The following AGPAT4 variants were observed in gnomAD, a reference collection of about 807,000 sequenced individuals.
AGPAT4 encodes 1-acyl-sn-glycerol-3-phosphate acyltransferase delta.
AGPAT4 carries 15 observed loss-of-function variants against 48.0 expected under a neutral mutation model. That is an observed-to-expected ratio of 0.31 (90% confidence interval 0.21 to 0.48). AGPAT4 has a LOEUF of 0.48. AGPAT4 is among the 20% of genes least tolerant of loss of function. The pLI is 0.99. For synonymous variants in AGPAT4, 178 were observed against 198.7 expected (o/e 0.90, Z 0.88); for missense variants, 314 against 482.5 (o/e 0.65, Z 3.27).
intron 1 of AGPAT4, among the ~76,000 whole-genome samples, chr6:161,237,598 A>G (rs1027067208): frequency 1.3e-5 from 2 of 152,238 alleles, no homozygotes; most frequent in Admixed American, 1.3e-4. Flanking sequence ...AAAAGTTCAC[A>G]AAGAAGTATA....
In AGPAT4 at chr6:161,139,388, G is replaced by C. The variant is rs778733418; in HGVS notation, c.1042+34C>G. 1.2e-6 allele frequency: 2 copies of C among 1,609,742 alleles called. No homozygotes were observed. The highest frequency in any genetic ancestry group is 2.7e-5 in the African/African-American group (2 of 74,868). ...ATGCCACCTCTCCCAGGGTGGTGCTGTCAGCACCCACCAGCCCCTTGCCCT... is the reference window on the plus strand; with the variant it reads ...ATGCCACCTCTCCCAGGGTGGTGCTCTCAGCACCCACCAGCCCCTTGCCCT... On this transcript the variant is annotated intron_variant, in intron 8 of 8. Coordinates refer to ENST00000320285, the MANE Select transcript of AGPAT4 (RefSeq NM_020133.3). This position sits in a 1 kb window ranked among gnomAD's most constrained non-coding sequence, Gnocchi z 9.1.
rs1781640714 is a variant in AGPAT4 at position 161,216,126 on chromosome 6, C to G, written c.178+15910G>C. 6.6e-6 allele frequency among the ~76,000 whole-genome samples: 1 copy of G among 152,216 alleles called. No homozygotes were observed. Among genetic ancestry groups the G allele is most frequent in the Non-Finnish European group, 1.5e-5 (1 of 68,038 alleles). On this transcript the variant is annotated intron_variant, in intron 2 of 8. Transcript: ENST00000320285. The surrounding 1 kb of genome is among the most constrained non-coding windows in gnomAD (Gnocchi z 4.8). ...AGAGCACTTTTCCCTCCTGCCTTGACAAGGCTTCTTCATAGTCTGACAAAG... is the reference window on the plus strand; with the variant it reads ...AGAGCACTTTTCCCTCCTGCCTTGAGAAGGCTTCTTCATAGTCTGACAAAG...
At position 161,202,349 on chromosome 6, in the gene AGPAT4, C is replaced by T. The variant is rs1781259593; in HGVS notation, c.178+29687G>A. Among the ~76,000 whole-genome samples the T allele has an allele frequency of 6.6e-6, 1 of 151,804 alleles. No homozygotes were observed. The highest frequency in any genetic ancestry group is 1.5e-5 in the Non-Finnish European group (1 of 67,984). On this transcript the variant is annotated intron_variant, in intron 2 of 8. Transcript: ENST00000320285. The surrounding 1 kb of genome is among the most constrained non-coding windows in gnomAD (Gnocchi z 5.4). ...TTCTCATGGGCCCGTCTGAGTGATG[C>T]CTGAATGTCTTCATGCTTGAATGTC...
In AGPAT4 at chr6:161,177,112, T is replaced by C. The variant is rs1020130558; in HGVS notation, c.179-10695A>G. The stretch of plus-strand genomic sequence containing the variant: ...TTTCAACTTTGGTGAATCTGACAAT[T>C]ATGTGTCTTAGAGTTGCTCTTCTCG... On this transcript the variant is annotated intron_variant, in intron 2 of 8. Transcript: ENST00000320285. The surrounding 1 kb of genome is among the most constrained non-coding windows in gnomAD (Gnocchi z 5.0). 1.3e-5 allele frequency among the ~76,000 whole-genome samples: 2 copies of C among 152,170 alleles called. No individual in the cohort carries two copies. The highest frequency in any genetic ancestry group is 2.9e-5 in the Non-Finnish European group (2 of 68,014).
Position 161,139,667 on chromosome 6 carries a change from G to A in AGPAT4, c.844-47C>T. 1.3e-6 allele frequency: 2 copies of A among 1,510,132 alleles called. No homozygotes were observed. The highest frequency in any genetic ancestry group is 1.8e-6 in the Non-Finnish European group (2 of 1,112,962). 93.5% of individuals were successfully genotyped at this position (1,510,132 alleles called of 1,614,324 possible). A position where few individuals can be genotyped will look rare whatever the true frequency, so the allele number is the denominator to read the frequency against. On this transcript the variant is annotated intron_variant, in intron 7 of 8. Coordinates refer to ENST00000320285, the MANE Select transcript of AGPAT4 (RefSeq NM_020133.3). This position sits in a 1 kb window ranked among gnomAD's most constrained non-coding sequence, Gnocchi z 9.1. ...CCTCAGACGCCACACGGGGCTCGGT[G>A]GCAGGTCCCTCCCGAGGCCCTGCTT... is the stretch of plus-strand genomic sequence containing the variant.
chr6:161,196,934 G>A lies in AGPAT4; in HGVS notation c.179-30517C>T, dbSNP rs1435995838. Among the ~76,000 whole-genome samples, 1 of 152,082 alleles carries A rather than the reference G, an allele frequency of 6.6e-6. No homozygotes were observed. The highest frequency in any genetic ancestry group is 2.4e-5 in the African/African-American group (1 of 41,402). On this transcript the variant is annotated intron_variant, in intron 2 of 8. Coordinates refer to ENST00000320285, the MANE Select transcript of AGPAT4 (RefSeq NM_020133.3). This position sits in a 1 kb window ranked among gnomAD's most constrained non-coding sequence, Gnocchi z 4.3. ...GACCAAACATTTGGGCACTTACTGG[G>A]TGCCCGGAACTGCTCCAGGCACTGG... is the stretch of plus-strand genomic sequence containing the variant.
rs1463145587 is a variant in AGPAT4, at chr6:161,231,924, C to CA, written c.178+111dup. 10 of 1,125,788 alleles carry CA rather than the reference C, an allele frequency of 8.9e-6. No homozygotes were observed. The highest frequency in any genetic ancestry group is 1.2e-5 in the Non-Finnish European group (10 of 834,230). The allele number at this position is 1,125,788 out of a possible 1,614,324, so 69.7% of individuals were successfully genotyped here. ...TTTCAAACCTAAAACAAAAACAAAA[C>CA]AAAAAAACAGCTCGGCACACAACGA... is the stretch of plus-strand genomic sequence containing the variant. On this transcript the variant is annotated intron_variant, in intron 2 of 8. Coordinates refer to ENST00000320285, the MANE Select transcript of AGPAT4 (RefSeq NM_020133.3). The surrounding 1 kb of genome is among the most constrained non-coding windows in gnomAD (Gnocchi z 5.3).
At chr6:161,157,565 G>A (rs901509229) in intron 3 of AGPAT4, among the ~76,000 whole-genome samples, 3 of 152,084 alleles carry the variant, frequency 2.0e-5, no homozygotes, top group Non-Finnish European at 2.9e-5. Flanking sequence ...TGCCTGCCTC[G>A]GCCTCCCAAA....
rs71558034 is a variant in AGPAT4, at chr6:161,219,916, C to CGGCA, written c.178+12116_178+12119dup. On this transcript the variant is annotated intron_variant, in intron 2 of 8. Transcript: ENST00000320285. The surrounding 1 kb of genome is among the most constrained non-coding windows in gnomAD (Gnocchi z 4.9). ...GCAGGCAGGCAGGCAGGCAGGCAGGCGGCAGGCAGGCAGGCAGGCAGGCAG... is the reference window on the plus strand; with the variant it reads ...GCAGGCAGGCAGGCAGGCAGGCAGGCGGCAGGCAGGCAGGCAGGCAGGCAGGCAG... 0.3 allele frequency among the ~76,000 whole-genome samples: 30,551 copies of CGGCA among 103,458 alleles called. 4,661 individuals are homozygous for CGGCA. The highest frequency in any genetic ancestry group is 0.39 in the South Asian group (1,142 of 2,896). The allele number at this position is 103,458 out of a possible 152,430, so 67.9% of individuals were successfully genotyped here.
At position 161,184,234 on chromosome 6, in the gene AGPAT4, G is replaced by C. The variant is rs752815315; in HGVS notation, c.179-17817C>G. On this transcript the variant is annotated intron_variant, in intron 2 of 8. Coordinates refer to ENST00000320285, the MANE Select transcript of AGPAT4 (RefSeq NM_020133.3). This position sits in a 1 kb window ranked among gnomAD's most constrained non-coding sequence, Gnocchi z 4.8. ...TCAGCCCAACAGGGGTGGTGGGCTC[G>C]GTGGGCATAGTGGAAATGGTGAGAA... 6.6e-6 allele frequency among the ~76,000 whole-genome samples: 1 copy of C among 151,952 alleles called. No individual in the cohort carries two copies. The highest frequency in any genetic ancestry group is 6.5e-5 in the Admixed American group (1 of 15,272).
At position 161,180,737 on chromosome 6, in the gene AGPAT4, C is replaced by T. The variant is rs765268825; in HGVS notation, c.179-14320G>A. Reference sequence around the variant, plus strand: ...AGCGGTGCTGGAGGGCCGGGTCTCTCTCCTGGCATCATAAGGAGGCTTGGG... The same window carrying T: ...AGCGGTGCTGGAGGGCCGGGTCTCTTTCCTGGCATCATAAGGAGGCTTGGG... On this transcript the variant is annotated intron_variant, in intron 2 of 8. Transcript: ENST00000320285. This position sits in a 1 kb window ranked among gnomAD's most constrained non-coding sequence, Gnocchi z 6.4. Among the ~76,000 whole-genome samples the T allele has an allele frequency of 6.6e-5, 10 of 152,132 alleles. No individual in the cohort carries two copies. Among genetic ancestry groups the T allele is most frequent in the Non-Finnish European group, 1.0e-4 (7 of 68,034 alleles).
At position 161,158,212 on chromosome 6, in the gene AGPAT4, C is replaced by T. The variant is rs976666689; in HGVS notation, c.349-3902G>A. 6.6e-6 allele frequency among the ~76,000 whole-genome samples: 1 copy of T among 152,206 alleles called. No individual in the cohort carries two copies. Among genetic ancestry groups the T allele is most frequent in the African/African-American group, 2.4e-5 (1 of 41,450 alleles). ...TCACTTATGACAAAGAGACTAGAAA[C>T]TGCTATTAAGACATACTGACAGTTC... is the stretch of plus-strand genomic sequence containing the variant. On this transcript the variant is annotated intron_variant, in intron 3 of 8. Transcript: ENST00000320285. This position sits in a 1 kb window ranked among gnomAD's most constrained non-coding sequence, Gnocchi z 5.3.
rs1780255383 is a variant in AGPAT4 at position 161,171,065 on chromosome 6, T to C, written c.179-4648A>G. ...TACCAGTGGGCACCTGAGCAATCCA[T>C]CCCGACCAGAAGCTATCAGCAGGTG... On this transcript the variant is annotated intron_variant, in intron 2 of 8. Coordinates refer to ENST00000320285, the MANE Select transcript of AGPAT4 (RefSeq NM_020133.3). This position sits in a 1 kb window ranked among gnomAD's most constrained non-coding sequence, Gnocchi z 4.4. Among the ~76,000 whole-genome samples the C allele has an allele frequency of 6.6e-6, 1 of 152,178 alleles. No homozygotes were observed. The highest frequency in any genetic ancestry group is 1.5e-5 in the Non-Finnish European group (1 of 68,026).
rs371419301 is a variant in AGPAT4, at chr6:161,250,975, T to C, written c.-89-18673A>G. Reference sequence around the variant, plus strand: ...TATTGCTTTCTTAAATAGAATAACATCTCGCCTATTCCATTTAGAGTGACC... The same window carrying C: ...TATTGCTTTCTTAAATAGAATAACACCTCGCCTATTCCATTTAGAGTGACC... On this transcript the variant is annotated intron_variant, in intron 1 of 8. Coordinates refer to ENST00000320285, the MANE Select transcript of AGPAT4 (RefSeq NM_020133.3). Among the ~76,000 whole-genome samples, 24 of 152,322 alleles carry C rather than the reference T, an allele frequency of 1.6e-4. No homozygotes were observed. The South Asian group carries it at 3.7e-3, about 24-fold the overall frequency.
At chr6:161,271,622 T>C (rs1783426625) in intron 1 of AGPAT4, among the ~76,000 whole-genome samples, 2 of 152,242 alleles carry the variant, frequency 1.3e-5, no homozygotes, top group African/African-American at 4.8e-5. Context: ...AGGCCAAAGC[T>C]GCTAACTGCT....
In AGPAT4 at chr6:161,181,763, G is replaced by A. The variant is rs768114915; in HGVS notation, c.179-15346C>T. Among the ~76,000 whole-genome samples the A allele has an allele frequency of 4.6e-5, 7 of 151,978 alleles. 1 individual carries two copies. Among genetic ancestry groups the A allele is most frequent in the Non-Finnish European group, 8.8e-5 (6 of 68,000 alleles). ...AAGCATCTGCTCTTCCCACTCACAC[G>A]TCCGCACCATCAGATGGCGCTCAGG... On this transcript the variant is annotated intron_variant, in intron 2 of 8. Transcript: ENST00000320285.
intron 2 of AGPAT4, among the ~76,000 whole-genome samples, chr6:161,190,514 C>T (rs1780892780): frequency 1.3e-5 from 2 of 151,806 alleles, no homozygotes; most frequent in Non-Finnish European, 2.9e-5. Context: ...CCCTCTGCCT[C>T]CCAACTGGTT....
rs548822722 is a variant in AGPAT4, at chr6:161,249,857, C to T, written c.-89-17555G>A. On this transcript the variant is annotated intron_variant, in intron 1 of 8. Coordinates refer to ENST00000320285, the MANE Select transcript of AGPAT4 (RefSeq NM_020133.3). The surrounding 1 kb of genome is among the most constrained non-coding windows in gnomAD (Gnocchi z 6.2). ...TCGTTCTATCATAAAGACACATGCACGCTTATGTTCATTGCAGTACTACTG... is the reference window on the plus strand; with the variant it reads ...TCGTTCTATCATAAAGACACATGCATGCTTATGTTCATTGCAGTACTACTG... 7.6e-4 allele frequency among the ~76,000 whole-genome samples: 115 copies of T among 152,290 alleles called. 1 individual carries two copies. The highest frequency in any genetic ancestry group is 2.6e-3 in the African/African-American group (107 of 41,574).
chr6:161,147,125 G>A lies in AGPAT4; in HGVS notation c.768-526C>T, dbSNP rs144920601. ...AGACTTTCTGCAAAGGTTTTGACAA[G>A]TCAGTGATGTGGATGGTGGGGAATT... On this transcript the variant is annotated intron_variant, in intron 6 of 8. Coordinates refer to ENST00000320285, the MANE Select transcript of AGPAT4 (RefSeq NM_020133.3). The surrounding 1 kb of genome is among the most constrained non-coding windows in gnomAD (Gnocchi z 4.8). Among the ~76,000 whole-genome samples, 2 of 152,312 alleles carry A rather than the reference G, an allele frequency of 1.3e-5. No individual in the cohort carries two copies. Among genetic ancestry groups the A allele is most frequent in the East Asian group, 3.9e-4 (2 of 5,182 alleles).
Sources: gnomAD v4.1 joint callset for allele counts (sites outside exome capture counted in the v4.1 genomes callset) on GRCh38, gnomAD v4.1.1 for gene constraint, Gnocchi (gnomAD v3.1) non-coding constraint, MANE v1.5 for transcripts, NCBI Gene and HGNC (gene_info 2026-07-23, HGNC 2026-07-21) for gene names.